VRTN: variants seen among roughly 807,000 people sequenced by gnomAD.
VRTN encodes vertebrae development associated, also known as vertnin.
VRTN carries 5 observed loss-of-function variants against 18.2 expected under a neutral mutation model. The ratio of observed to expected loss-of-function variants is 0.27; its 90% CI spans 0.14 to 0.58. VRTN has a LOEUF of 0.58. VRTN is among the 20% of genes least tolerant of loss of function. VRTN has a pLI of 0.91. For synonymous variants in VRTN, 381 were observed against 393.7 expected, an observed-to-expected ratio of 0.97 and a Z score of 0.38; for missense variants, 741 against 939.4, an observed-to-expected ratio of 0.79 and a Z score of 2.76.
chr14:74,350,437 G>A (rs533418882), intron 1 of VRTN, among the ~76,000 whole-genome samples: 7 of 152,222 alleles, frequency 4.6e-5, no homozygotes, highest in African/African-American at 1.7e-4. Context: ...AGGAAGTGTG[G>A]CATATCTGGA....
In VRTN at chr14:74,358,042, C is replaced by T. The variant is rs1398336250; in HGVS notation, c.1259C>T (p.Pro420Leu). The T allele has an allele frequency of 8.1e-6, 13 of 1,614,112 alleles. No individual in the cohort carries two copies. Among genetic ancestry groups the T allele is most frequent in the Non-Finnish European group, 9.3e-6 (11 of 1,180,044 alleles). The part of the protein sequence containing the change: ...EHCISLNTLV[P>L]YRCFKRRFPG... Reference sequence around the variant, plus strand: ...TGCATCTCCCTGAACACACTGGTACCCTATCGCTGCTTCAAACGCAGGTTC... The same window carrying T: ...TGCATCTCCCTGAACACACTGGTACTCTATCGCTGCTTCAAACGCAGGTTC... The change falls in exon 2 of 2, where the codon CCC (proline) becomes CTC (leucine). Residue 420 changes from proline to leucine, a missense_variant. Around this residue, in one of 3 missense-constraint regions of VRTN, gnomAD observed 494 missense variants for 546.5 expected, o/e 0.90. Coordinates refer to ENST00000256362, the MANE Select transcript of VRTN (RefSeq NM_018228.3). The surrounding 1 kb of genome is among the most constrained non-coding windows in gnomAD (Gnocchi z 5.4).
intron 1 of VRTN, among the ~76,000 whole-genome samples, chr14:74,312,733 G>A (rs1003072630): frequency 6.8e-6 from 1 of 147,186 alleles, no homozygotes; most frequent in Non-Finnish European, 1.5e-5. Context: ...TTACAAGCAC[G>A]CACCACCGCA....
In VRTN at chr14:74,303,992, C is replaced by G. The variant is rs149504613; in HGVS notation, c.-164+816C>G. Among the ~76,000 whole-genome samples the G allele has an allele frequency of 8.1e-3, 1,235 of 151,870 alleles. 11 individuals are homozygous for G. The highest frequency in any genetic ancestry group is 0.028 in the African/African-American group (1,173 of 41,376). ...TCAGCCTCCCGAGTAGCTAGGATTA[C>G]AGGCATGTGCCACCACGCCCAGCTA... On this transcript the variant is annotated intron_variant, in intron 1 of 2. Coordinates refer to the VRTN transcript ENST00000557177.
intron 1 of VRTN, among the ~76,000 whole-genome samples, chr14:74,307,978 T>A (rs2085365105): frequency 6.6e-6 from 1 of 152,212 alleles, no homozygotes; most frequent in African/African-American, 2.4e-5. Context: ...TCTACCTGCC[T>A]CAGCCTCCCA....
In VRTN at chr14:74,357,110, G is replaced by A. The variant is rs1012563701; in HGVS notation, c.327G>A (p.Val109=). The A allele has an allele frequency of 6.2e-7, 1 of 1,601,978 alleles. No individual in the cohort carries two copies. Among genetic ancestry groups the A allele is most frequent in the African/African-American group, 1.3e-5 (1 of 74,826 alleles). The change falls in exon 2 of 2, where the codon GTG becomes GTA. Residue 109 remains valine (V), a synonymous_variant. Transcript: ENST00000256362. The surrounding 1 kb of genome is among the most constrained non-coding windows in gnomAD (Gnocchi z 7.8). ...GCCTGGAGCTGCGGGCCCGCACCGT[G>A]GTAGAGATGCTGCTGCACAGACACT... is the stretch of plus-strand genomic sequence containing the variant. ...GLSLELRART[V]VEMLLHRHYY...
rs1028255868 is a variant in VRTN, at chr14:74,358,899, G to A, written c.*7G>A. The A allele has an allele frequency of 6.2e-7, 1 of 1,600,888 alleles. No individual in the cohort carries two copies. The highest frequency in any genetic ancestry group is 8.5e-7 in the Non-Finnish European group (1 of 1,172,290). ...GACCCTGGTAGATGGCTGACAGGGA[G>A]GTACAAAAGGGGCTGGGAAGAAGGG... On this transcript the variant is annotated 3_prime_UTR_variant, in exon 2 of 2. Coordinates refer to ENST00000256362, the MANE Select transcript of VRTN (RefSeq NM_018228.3). This position sits in a 1 kb window ranked among gnomAD's most constrained non-coding sequence, Gnocchi z 5.4.
chr14:74,310,673 G>C lies in VRTN; in HGVS notation c.-164+7497G>C, dbSNP rs543644152. 5.9e-5 allele frequency among the ~76,000 whole-genome samples: 9 copies of C among 151,626 alleles called. No homozygotes were observed. The East Asian group carries it at 1.8e-3, about 30-fold the overall frequency. ...CTGCCTCAGCCTCCCAAGTAGCTGG[G>C]ACCACAGGCATGTGCCACCATGCCT... is the stretch of plus-strand genomic sequence containing the variant. On this transcript the variant is annotated intron_variant, in intron 1 of 2. Coordinates refer to the VRTN transcript ENST00000557177.
At position 74,357,654 on chromosome 14, in the gene VRTN, G is replaced by A. The variant is rs769734289; in HGVS notation, c.871G>A (p.Val291Ile). The A allele has an allele frequency of 1.2e-5, 20 of 1,613,866 alleles. No homozygotes were observed. The highest frequency in any genetic ancestry group is 1.6e-4 in the Middle Eastern group (1 of 6,062). ...CTCTCACCTCTGTGAGCGCTACAGC[G>A]TCACCAAAAGCACCTTCTACCGCTG... Reference protein sequence around the residue: ...SYSHLCERYSVTKSTFYRWRR... With the variant: ...SYSHLCERYSITKSTFYRWRR... Residue 291 changes from valine (V) to isoleucine (I), a missense_variant, in exon 2 of 2, where the codon GTC (valine) becomes ATC (isoleucine). By Grantham distance (29) the Val-to-Ile change is conservative (BLOSUM62 3). This residue lies in a region of VRTN where 494 missense variants were observed against 546.5 expected (regional missense o/e 0.90). Transcript: ENST00000256362. The surrounding 1 kb of genome is among the most constrained non-coding windows in gnomAD (Gnocchi z 7.8).
At chr14:74,351,930 G>A (rs1405206982) in intron 1 of VRTN, among the ~76,000 whole-genome samples, 1 of 151,318 alleles carries the variant, frequency 6.6e-6, no homozygotes, top group Non-Finnish European at 1.5e-5. Context: ...TGCAACCTCC[G>A]TCTCTTGGGT....
At chr14:74,331,754 C>A (rs1352852216) in intron 1 of VRTN, among the ~76,000 whole-genome samples, 7 of 151,066 alleles carry the variant, frequency 4.6e-5, no homozygotes, top group Non-Finnish European at 8.8e-5. Context: ...GAAATCTTCA[C>A]AACATGCCTT....
chr14:74,304,786 A>G (rs1192659577), intron 1 of VRTN, among the ~76,000 whole-genome samples: 1 of 152,212 alleles, frequency 6.6e-6, no homozygotes, highest in Non-Finnish European at 1.5e-5. Context: ...GAAAAGTGGA[A>G]TCTAGAAAGA....
intron 2 of VRTN, among the ~76,000 whole-genome samples, chr14:74,341,159 C>T (rs2085603459): frequency 6.6e-6 from 1 of 152,182 alleles, no homozygotes; most frequent in Admixed American, 6.6e-5. Context: ...AACTGAATAG[C>T]AGCACTATTT....
intron 1 of VRTN, among the ~76,000 whole-genome samples, chr14:74,329,323 C>T (rs922128578): frequency 6.6e-6 from 1 of 151,616 alleles, no homozygotes; most frequent in East Asian, 1.9e-4. Context: ...CCCAGGCTGG[C>T]CTGCAGTGGC....
At chr14:74,310,857 T>A (rs1567037745) in intron 1 of VRTN, among the ~76,000 whole-genome samples, 1 of 151,176 alleles carries the variant, frequency 6.6e-6, no homozygotes, top group Non-Finnish European at 1.5e-5. Flanking sequence ...AATTTTTCTT[T>A]AAAAAAAATT....
At chr14:74,328,180 G>A (rs1322348211) in intron 1 of VRTN, among the ~76,000 whole-genome samples, 2 of 152,166 alleles carry the variant, frequency 1.3e-5, no homozygotes, top group Admixed American at 1.3e-4. Flanking sequence ...TATATCAAAA[G>A]GTACCCTGCA....
chr14:74,337,341 CA>C (rs1009105384), intron 1 of VRTN, among the ~76,000 whole-genome samples: 2 of 150,854 alleles, frequency 1.3e-5, no homozygotes, highest in Non-Finnish European at 3.0e-5. Context: ...GACCCTGCCT[CA>C]AAAAAACAAA....
chr14:74,312,154 G>C (rs1370910749), intron 1 of VRTN, among the ~76,000 whole-genome samples: 1 of 152,078 alleles, frequency 6.6e-6, no homozygotes, highest in Non-Finnish European at 1.5e-5. Flanking sequence ...CATAAGTCAG[G>C]GACTGTCTCT....
At position 74,359,149 on chromosome 14, in the gene VRTN, T is replaced by C. The variant is rs1595178588; in HGVS notation, c.*257T>C. ...TTTGCTGGTCATATTTTTACTGTTA[T>C]GATTTAGTTTTTGGTTTTGATTTGA... On this transcript the variant is annotated 3_prime_UTR_variant, in exon 2 of 2. Transcript: ENST00000256362. 2.3e-5 allele frequency: 15 copies of C among 652,964 alleles called. No individual in the cohort carries two copies. In the East Asian group the frequency reaches 5.2e-4, roughly 23 times the overall value. 40.4% of individuals were successfully genotyped at this position (652,964 alleles called of 1,614,324 possible).
chr14:74,303,157 G>A, exon 1 of VRTN: 1 of 432,036 alleles, frequency 2.3e-6, no homozygotes, highest in Non-Finnish European at 4.1e-6. Context: ...ATAGGTATCC[G>A]AGAGTGTAAC....
Sources: gnomAD v4.1 joint callset for allele counts (sites outside exome capture counted in the v4.1 genomes callset) on GRCh38, gnomAD v4.1.1 for gene constraint, gnomAD v4.1.1 regional missense constraint, Gnocchi (gnomAD v3.1) non-coding constraint, MANE v1.5 for transcripts, NCBI Gene and HGNC (gene_info 2026-07-23, HGNC 2026-07-21) for gene names.